KPNA3: variants seen among roughly 807,000 people sequenced by gnomAD.
KPNA3 encodes importin subunit alpha-4.
Under a neutral mutation model 73.8 loss-of-function variants are expected in KPNA3, and 13 were observed. The ratio of observed to expected loss-of-function variants is 0.18; its 90% CI spans 0.11 to 0.28. The LOEUF (loss-of-function observed/expected upper bound fraction) is 0.28. KPNA3 is among the 10% of genes least tolerant of loss of function. The probability of loss-of-function intolerance (pLI) is 1.00; values close to 1 mark genes in which losing one functional copy is unlikely to be tolerated. For synonymous variants in KPNA3, 186 were observed against 206.9 expected (o/e 0.90, Z 0.87); for missense variants, 360 against 618.1 (o/e 0.58, Z 4.43).
chr13:49,724,213 T>C (rs9535314), intron 7 of KPNA3, among the ~76,000 whole-genome samples: 31,953 of 152,210 alleles, frequency 0.21, 3,734 homozygotes, highest in Middle Eastern at 0.29. Flanking sequence ...ATGAATAACA[T>C]TGCTGTGAAT....
intron 1 of KPNA3, among the ~76,000 whole-genome samples, 175 bp downstream of exon 1, chr13:49,792,263 C>T (rs1955040232): frequency 6.6e-6 from 1 of 151,260 alleles, no homozygotes; most frequent in South Asian, 2.1e-4. Context: ...GACTGCAGCC[C>T]GGCCGGCGTC....
rs985885580 is a variant in KPNA3, at chr13:49,700,499, C to T, written c.*1301G>A. 2.0e-5 allele frequency: 3 copies of T among 152,558 alleles called. No individual in the cohort carries two copies. Among genetic ancestry groups the T allele is most frequent in the Non-Finnish European group, 2.9e-5 (2 of 68,020 alleles). The allele number at this position is 152,558 out of a possible 1,614,324, so 9.5% of individuals were successfully genotyped here. A position where few individuals can be genotyped will look rare whatever the true frequency, so the allele number is the denominator to read the frequency against. The stretch of plus-strand genomic sequence containing the variant: ...AAGCAATAACTTGACATAGTAATAC[C>T]GGATTTTGCAGAATTACTTAGAGAT... On this transcript the variant is annotated 3_prime_UTR_variant, in exon 17 of 17. Coordinates refer to ENST00000261667, the MANE Select transcript of KPNA3 (RefSeq NM_002267.4).
chr13:49,707,337 A>G (rs1227104343), intron 12 of KPNA3, among the ~76,000 whole-genome samples: 1 of 152,180 alleles, frequency 6.6e-6, no homozygotes, highest in Non-Finnish European at 1.5e-5. Context: ...AGTTGTTAAT[A>G]ATTGCTGAAT....
rs1251695616 is a variant in KPNA3, at chr13:49,792,507, G to A, written c.-1C>T. On this transcript the variant is annotated 5_prime_UTR_variant, in exon 1 of 17. Coordinates refer to ENST00000261667, the MANE Select transcript of KPNA3 (RefSeq NM_002267.4). ...TCTCCAAGCTGGGGTTCTCGGCCATGGCTGCGCGCGGCTCCGGCGGCGGCT... is the reference window on the plus strand; with the variant it reads ...TCTCCAAGCTGGGGTTCTCGGCCATAGCTGCGCGCGGCTCCGGCGGCGGCT... The A allele has an allele frequency of 1.3e-6, 2 of 1,568,686 alleles. No homozygotes were observed. The highest frequency in any genetic ancestry group is 1.7e-6 in the Non-Finnish European group (2 of 1,156,184).
At chr13:49,733,155 A>C (rs1265792696) in intron 2 of KPNA3, 109 bp from the exon 3 acceptor site, 1 of 720,438 alleles carries the variant, frequency 1.4e-6, no homozygotes, top group Non-Finnish European at 2.5e-6. Context: ...AATACTGAAC[A>C]CATAAGGATA....
chr13:49,715,066 C>G (rs1954293016), intron 10 of KPNA3, among the ~76,000 whole-genome samples: 1 of 151,794 alleles, frequency 6.6e-6, no homozygotes, highest in African/African-American at 2.4e-5. Flanking sequence ...CTGAAAAATT[C>G]ATTACATTTT....
At chr13:49,720,690 C>A (rs1954346609) in intron 9 of KPNA3, among the ~76,000 whole-genome samples, 1 of 147,210 alleles carries the variant, frequency 6.8e-6, no homozygotes, top group Admixed American at 6.9e-5. Context: ...AAAGATTGTG[C>A]CACTGCACTC....
chr13:49,724,415 C>T (rs150033246), intron 7 of KPNA3, among the ~76,000 whole-genome samples: 2 of 151,860 alleles, frequency 1.3e-5, no homozygotes, highest in African/African-American at 4.8e-5. Flanking sequence ...GCCATTCTCC[C>T]GCCTCAGCCT....
At chr13:49,763,135 C>G (rs1392174624) in intron 1 of KPNA3, among the ~76,000 whole-genome samples, 1 of 151,656 alleles carries the variant, frequency 6.6e-6, no homozygotes, top group African/African-American at 2.4e-5. Context: ...ATTTCAGGAA[C>G]AGAAAAATGG....
intron 1 of KPNA3, among the ~76,000 whole-genome samples, chr13:49,787,449 T>TA (rs1954992519): frequency 6.6e-6 from 1 of 152,224 alleles, no homozygotes; most frequent in Non-Finnish European, 1.5e-5. Flanking sequence ...TGTCAAGTCT[T>TA]AGACTCCCTT....
chr13:49,740,717 T>A (rs1281011824), intron 2 of KPNA3, among the ~76,000 whole-genome samples: 4 of 152,176 alleles, frequency 2.6e-5, no homozygotes, highest in Non-Finnish European at 5.9e-5. Context: ...AACTGACCAA[T>A]ATACCATGTT....
At chr13:49,774,415 T>C (rs1036770406) in intron 1 of KPNA3, among the ~76,000 whole-genome samples, 2 of 152,180 alleles carry the variant, frequency 1.3e-5, no homozygotes, top group African/African-American at 4.8e-5. Flanking sequence ...GCTGCCTGGT[T>C]TCCTCTGGTT....
At chr13:49,724,507 C>T (rs919845250) in intron 7 of KPNA3, among the ~76,000 whole-genome samples, 2 of 152,064 alleles carry the variant, frequency 1.3e-5, no homozygotes, top group African/African-American at 4.8e-5. Context: ...CAGGGTTTCA[C>T]CATGTTAGCA....
chr13:49,748,701 A>G (rs1745570819), intron 1 of KPNA3, among the ~76,000 whole-genome samples: 8 of 152,126 alleles, frequency 5.3e-5, no homozygotes. Context: ...CAAAATTCAA[A>G]TTAGTCATAT....
chr13:49,713,758 T>C (rs7984711), intron 10 of KPNA3, among the ~76,000 whole-genome samples: 18,170 of 152,018 alleles, frequency 0.12, 2,178 homozygotes, highest in East Asian at 0.58. Context: ...GGCTGGGGTG[T>C]AGTAGCACAA....
At chr13:49,723,868 TA>T (rs34273881) in intron 7 of KPNA3, among the ~76,000 whole-genome samples, 251 of 127,816 alleles carry the variant, frequency 2.0e-3, no homozygotes, top group Middle Eastern at 3.9e-3. Flanking sequence ...GACTCCGTCT[TA>T]AAAAAAAAAA....
At chr13:49,774,729 A>C (rs1231545772) in intron 1 of KPNA3, among the ~76,000 whole-genome samples, 1 of 152,364 alleles carries the variant, frequency 6.6e-6, no homozygotes, top group East Asian at 1.9e-4. Flanking sequence ...TCACATTCAC[A>C]AATACAAAAA....
At chr13:49,761,433 G>T (rs1294700768) in intron 1 of KPNA3, among the ~76,000 whole-genome samples, 1 of 151,392 alleles carries the variant, frequency 6.6e-6, no homozygotes, top group Non-Finnish European at 1.5e-5. Context: ...TGGAGACGGG[G>T]TTTCGCTGTG....
At chr13:49,768,279 A>C (rs1272075516) in intron 1 of KPNA3, among the ~76,000 whole-genome samples, 2 of 45,204 alleles carry the variant, frequency 4.4e-5, no homozygotes, top group Admixed American at 4.1e-4. Context: ...ACTCTGTCTC[A>C]AAAAAAAAAA....
Sources: allele counts gnomAD v4.1 joint callset (sites outside exome capture counted in the v4.1 genomes callset), GRCh38; gene constraint gnomAD v4.1.1; transcripts MANE v1.5; gene names NCBI Gene and HGNC (gene_info 2026-07-23, HGNC 2026-07-21).